SRPX: variants seen among roughly 807,000 people sequenced by gnomAD.
The protein encoded by SRPX is sushi repeat containing protein X-linked.
Under a neutral mutation model 38.1 loss-of-function variants are expected in SRPX, and 24 were observed. The ratio of observed to expected loss-of-function variants is 0.63; its 90% CI spans 0.46 to 0.89. SRPX has a LOEUF of 0.89. Among genes scored for constraint, SRPX ranks in the 40% least tolerant of loss-of-function variants. The pLI is 0.00. For missense variants in SRPX, 416 were observed against 377.8 expected (o/e 1.10, Z -0.84); for synonymous variants, 184 against 153.8 (o/e 1.20, Z -1.45).
At chrX:38,168,463 A>G (rs1445497440) in intron 4 of SRPX, among the ~76,000 whole-genome samples, 2 of 112,098 alleles carry the variant, frequency 1.8e-5, no homozygotes, top group African/African-American at 6.5e-5. Flanking sequence ...AACCATTACC[A>G]CATACAGCAG....
chrX:38,157,738 G>A (rs1290716804), intron 7 of SRPX, among the ~76,000 whole-genome samples: 2 of 112,325 alleles, frequency 1.8e-5, no homozygotes, highest in African/African-American at 6.5e-5. Flanking sequence ...GTGAGACAGT[G>A]AAGGAAAGAA....
chrX:38,162,883 A>G (rs754398229), intron 5 of SRPX, among the ~76,000 whole-genome samples: 4 of 112,997 alleles, frequency 3.5e-5, no homozygotes, highest in Admixed American at 1.9e-4. Context: ...TAAAAAGAAC[A>G]AGGTGAATAT....
chrX:38,178,301 T>G lies in SRPX; in HGVS notation c.141A>C (p.Ser47=). The G allele has an allele frequency of 8.3e-7, 1 of 1,210,140 alleles. No individual in the cohort carries two copies. The highest frequency in any genetic ancestry group is 1.1e-6 in the Non-Finnish European group (1 of 894,436). The change falls in exon 2 of 10, where the codon TCA becomes TCC. Residue 47 remains serine, a synonymous_variant. Coordinates refer to ENST00000378533, the MANE Select transcript of SRPX (RefSeq NM_006307.5). ...SPLEDDEVGY[S]HPRYKDTPWC... ...AGCATTCACCTTTATATCTAGGGTG[T>G]GAATACCCGACTTCATCGTCTTCTA...
Position 38,149,884 on chromosome X carries a change from G to C in SRPX, c.1222C>G (p.Arg408Gly). The change falls in exon 10 of 10, where the codon CGA (arginine) becomes GGA (glycine). Residue 408 changes from arginine to glycine, a missense_variant. Arg to Gly is a moderately radical substitution (Grantham distance 125). Coordinates refer to ENST00000378533, the MANE Select transcript of SRPX (RefSeq NM_006307.5). ...ATACTGAAGGAGTAGAGTGGGATTC[G>C]CAGCAACAGCCTGTGGCAGACAAAG... ...ALALQLRLLL[R>G]IPLYSFSMVL... 1 of 1,203,607 alleles carries C rather than the reference G, an allele frequency of 8.3e-7. No homozygotes were observed. Among genetic ancestry groups the C allele is most frequent in the Non-Finnish European group, 1.1e-6 (1 of 891,783 alleles).
chrX:38,192,721 A>G (rs1450941299), intron 1 of SRPX, among the ~76,000 whole-genome samples: 1 of 112,091 alleles, frequency 8.9e-6, no homozygotes, highest in Non-Finnish European at 1.9e-5. Context: ...CCCTTGCTGG[A>G]GAAGGGCCTG....
chrX:38,215,056 G>C (rs1388362105), intron 1 of SRPX, among the ~76,000 whole-genome samples: 2 of 112,256 alleles, frequency 1.8e-5, no homozygotes, highest in African/African-American at 3.2e-5. Flanking sequence ...GTCACTGTAA[G>C]AGTGGGACAG....
chrX:38,220,624 C>A, intron 1 of SRPX, 72 bp downstream of exon 1: 1 of 1,150,810 alleles, frequency 8.7e-7, no homozygotes, highest in Non-Finnish European at 1.1e-6. Flanking sequence ...CTATCCCGAG[C>A]GAAGGGTCCC....
chrX:38,153,326 T>TC (rs1474320123), intron 9 of SRPX, among the ~76,000 whole-genome samples: 1 of 83,759 alleles, frequency 1.2e-5, no homozygotes, highest in Non-Finnish European at 2.3e-5. Flanking sequence ...TTTTTTTTTT[T>TC]TACCTTGGTA....
intron 4 of SRPX, among the ~76,000 whole-genome samples, chrX:38,171,327 G>A (rs1027991922): frequency 4.5e-5 from 5 of 111,423 alleles, no homozygotes; most frequent in African/African-American, 1.6e-4. Context: ...AGCAGGTGGT[G>A]GGGGTGGGTT....
Position 38,160,098 on chromosome X carries a change from C to T in SRPX, c.874G>A (p.Gly292Ser), listed in dbSNP as rs1021971538. Residue 292 changes from glycine (G) to serine (S), a missense_variant, in exon 7 of 10, where the codon GGC (glycine) becomes AGC (serine). Gly to Ser is a moderately conservative substitution (Grantham distance 56). Transcript: ENST00000378533. ...GGGCTACCCTGGAGCTCATAGCCGC[C>T]GATGCAGGAGAACTCACAGGTGGCT... is the stretch of plus-strand genomic sequence containing the variant. ...YGATCEFSCI[G>S]GYELQGSPAR... is the part of the protein sequence containing the mutation. 5.0e-6 allele frequency: 6 copies of T among 1,211,566 alleles called. No homozygotes were observed. The highest frequency in any genetic ancestry group is 4.5e-6 in the Non-Finnish European group (4 of 895,388).
At position 38,164,800 on chromosome X, in the gene SRPX, C is replaced by T. The variant is rs368960483; in HGVS notation, c.622G>A (p.Gly208Arg). The T allele has an allele frequency of 3.3e-6, 4 of 1,208,767 alleles. No individual in the cohort carries two copies. Among genetic ancestry groups the T allele is most frequent in the Non-Finnish European group, 3.4e-6 (3 of 894,508 alleles). The change falls in exon 5 of 10, where the codon GGA becomes AGA. Residue 208 changes from glycine to arginine, a missense_variant. Physicochemically the swap from Gly to Arg is moderately radical, Grantham distance 125. Transcript: ENST00000378533. ...TVRVSWETPE[G>R]RDTADGILTD... ...AGAATTCCATCTGCTGTGTCTCTTCCTTCGGGTGTCTCCCAGGACACCCGG... is the reference window on the plus strand; with the variant it reads ...AGAATTCCATCTGCTGTGTCTCTTCTTTCGGGTGTCTCCCAGGACACCCGG...
At chrX:38,175,353 G>T (rs1264423906) in intron 2 of SRPX, among the ~76,000 whole-genome samples, 2 of 111,439 alleles carry the variant, frequency 1.8e-5, no homozygotes, top group African/African-American at 6.5e-5. Context: ...GCCATCATGT[G>T]GCCAGGAAGG....
intron 4 of SRPX, among the ~76,000 whole-genome samples, chrX:38,165,553 G>A (rs146982115): frequency 6.2e-4 from 69 of 111,680 alleles, no homozygotes; most frequent in Non-Finnish European, 1.2e-3. Flanking sequence ...TAGAGGAGCC[G>A]CCCAACTCTC....
At chrX:38,153,088 C>G (rs1467045634) in intron 9 of SRPX, among the ~76,000 whole-genome samples, 1 of 111,463 alleles carries the variant, frequency 9.0e-6, no homozygotes, top group African/African-American at 3.3e-5. Flanking sequence ...GTGCCAGGTA[C>G]TGTGCTAGGT....
At chrX:38,178,946 C>CTTTTT (rs58878251) in intron 1 of SRPX, among the ~76,000 whole-genome samples, 3 of 81,059 alleles carry the variant, frequency 3.7e-5, no homozygotes, top group Non-Finnish European at 5.0e-5. Flanking sequence ...AGTAAAATTT[C>CTTTTT]TTTTTTTTTT....
chrX:38,214,373 A>G (rs1939391223), intron 1 of SRPX, among the ~76,000 whole-genome samples: 1 of 111,002 alleles, frequency 9.0e-6, no homozygotes, highest in African/African-American at 3.3e-5. Context: ...AAATCTAGAT[A>G]AAGACCAAGA....
At chrX:38,199,557 C>T (rs1939071356) in intron 1 of SRPX, among the ~76,000 whole-genome samples, 1 of 111,248 alleles carries the variant, frequency 9.0e-6, no homozygotes, top group Non-Finnish European at 1.9e-5. Flanking sequence ...TACTAGCTAG[C>T]CATGTGACTT....
At chrX:38,183,282 G>A (rs1938707091) in intron 1 of SRPX, among the ~76,000 whole-genome samples, 1 of 111,727 alleles carries the variant, frequency 9.0e-6, no homozygotes. Context: ...TCGAACTAGT[G>A]ACCTCAAGTG....
At chrX:38,205,609 T>C (rs1180042882) in intron 1 of SRPX, among the ~76,000 whole-genome samples, 2 of 112,061 alleles carry the variant, frequency 1.8e-5, no homozygotes, top group Non-Finnish European at 3.8e-5. Flanking sequence ...AAGTTTCATA[T>C]TTATAGGCTT....
Sources: allele counts gnomAD v4.1 joint callset (sites outside exome capture counted in the v4.1 genomes callset), GRCh38; gene constraint gnomAD v4.1.1; transcripts MANE v1.5; gene names NCBI Gene and HGNC (gene_info 2026-07-23, HGNC 2026-07-21).